NSMCE2: variants seen among roughly 807,000 people sequenced by gnomAD.
NSMCE2 encodes the protein NSE2 SUMO ligase component of SMC5/6 complex, also known as E3 SUMO-protein ligase NSE2.
In NSMCE2, 24 loss-of-function variants were observed where a neutral mutation model predicts 23.8. The ratio of observed to expected loss-of-function variants is 1.01; its 90% CI spans 0.73 to 1.42. NSMCE2 has a LOEUF of 1.42. NSMCE2 is among the 40% of genes most tolerant of loss of function. The pLI is 0.00. For missense variants in NSMCE2, 284 were observed against 296.5 expected (o/e 0.96, Z 0.31); for synonymous variants, 92 against 94.1 (o/e 0.98, Z 0.13).
At position 125,214,636 on chromosome 8, in the gene NSMCE2, T is replaced by A. The variant is rs544745228; in HGVS notation, c.418+32380T>A. On this transcript the variant is annotated intron_variant, in intron 5 of 7. Transcript: ENST00000287437. ...ACAGATAGTGCAGAGAGTTCCCAGA[T>A]ACCACCTTCTCCCCCAATCCCCTAC... Among the ~76,000 whole-genome samples, 26 of 152,306 alleles carry A rather than the reference T, an allele frequency of 1.7e-4. No homozygotes were observed. The South Asian group carries it at 2.3e-3, about 13-fold the overall frequency.
chr8:125,203,224 G>A (rs953667671), intron 5 of NSMCE2, among the ~76,000 whole-genome samples: 3 of 149,718 alleles, frequency 2.0e-5, no homozygotes, highest in Non-Finnish European at 4.4e-5. Flanking sequence ...ATAACTTATC[G>A]TAAATGTTGT....
intron 5 of NSMCE2, among the ~76,000 whole-genome samples, chr8:125,242,220 A>T (rs146110104): frequency 6.6e-6 from 1 of 152,162 alleles, no homozygotes; most frequent in Non-Finnish European, 1.5e-5. Context: ...GAACCTGGCA[A>T]ACCCATGGAG....
At chr8:125,272,186 T>C (rs1827229539) in intron 5 of NSMCE2, among the ~76,000 whole-genome samples, 1 of 151,762 alleles carries the variant, frequency 6.6e-6, no homozygotes, top group Non-Finnish European at 1.5e-5. Context: ...TCGAATTTTT[T>C]TGTATTTTTA....
At chr8:125,264,355 T>C (rs551227464) in intron 5 of NSMCE2, among the ~76,000 whole-genome samples, 53 of 152,304 alleles carry the variant, frequency 3.5e-4, no homozygotes, top group Admixed American at 3.3e-3. Flanking sequence ...TGGAGTCCCA[T>C]TCATGCCTGT....
intron 5 of NSMCE2, among the ~76,000 whole-genome samples, chr8:125,356,984 CTT>C (rs1246114787): frequency 6.6e-6 from 1 of 152,176 alleles, no homozygotes; most frequent in Non-Finnish European, 1.5e-5. Context: ...TTCTCTATAA[CTT>C]TAAAAAAGAT....
At chr8:125,359,177 G>A (rs1274751526) in intron 7 of NSMCE2, among the ~76,000 whole-genome samples, 1 of 149,928 alleles carries the variant, frequency 6.7e-6, no homozygotes, top group Admixed American at 6.7e-5. Context: ...TGAGGCAGGA[G>A]AATGGCATGA....
chr8:125,167,677 G>A (rs149827041), intron 4 of NSMCE2, among the ~76,000 whole-genome samples: 187 of 151,652 alleles, frequency 1.2e-3, no homozygotes, highest in African/African-American at 4.3e-3. Context: ...AGAGGCTATG[G>A]AAGAAATTAT....
At chr8:125,102,950 GT>G (rs1818269459) in intron 3 of NSMCE2, among the ~76,000 whole-genome samples, 1 of 152,106 alleles carries the variant, frequency 6.6e-6, no homozygotes, top group Admixed American at 6.5e-5. Flanking sequence ...ACCTACATTT[GT>G]TCAATCAAGA....
At chr8:125,257,708 G>A (rs1287617610) in intron 5 of NSMCE2, among the ~76,000 whole-genome samples, 1 of 151,734 alleles carries the variant, frequency 6.6e-6, no homozygotes, top group Non-Finnish European at 1.5e-5. Flanking sequence ...GAATTTTTTT[G>A]TATTTTTAGT....
intron 5 of NSMCE2, among the ~76,000 whole-genome samples, chr8:125,211,987 A>G (rs1338408094): frequency 1.3e-5 from 2 of 152,164 alleles, no homozygotes; most frequent in Non-Finnish European, 2.9e-5. Context: ...ATCCTCATTT[A>G]CTTACATGTC....
chr8:125,362,531 C>G (rs1813605170), intron 7 of NSMCE2, among the ~76,000 whole-genome samples: 2 of 152,226 alleles, frequency 1.3e-5, no homozygotes, highest in African/African-American at 4.8e-5. Flanking sequence ...CTGAAGTGAA[C>G]TCCCCAGTCC....
At chr8:125,170,104 C>T (rs974628963) in intron 4 of NSMCE2, among the ~76,000 whole-genome samples, 2 of 152,068 alleles carry the variant, frequency 1.3e-5, no homozygotes, top group Non-Finnish European at 2.9e-5. Flanking sequence ...GTAGCTGTAA[C>T]CTAGTCCTCT....
intron 5 of NSMCE2, among the ~76,000 whole-genome samples, chr8:125,257,290 GAAA>G (rs112767956): frequency 9.1e-6 from 1 of 109,330 alleles, no homozygotes; most frequent in Non-Finnish European, 2.0e-5. Flanking sequence ...TCTCAAAAAA[GAAA>G]AAAAAAAAAA....
chr8:125,164,818 C>T (rs1356397600), intron 4 of NSMCE2, among the ~76,000 whole-genome samples: 1 of 152,080 alleles, frequency 6.6e-6, no homozygotes, highest in East Asian at 1.9e-4. Flanking sequence ...ATATTCAGTT[C>T]TTACCATAAT....
At chr8:125,162,628 T>C (rs1225560122) in intron 4 of NSMCE2, among the ~76,000 whole-genome samples, 1 of 152,134 alleles carries the variant, frequency 6.6e-6, no homozygotes, top group East Asian at 1.9e-4. Flanking sequence ...AAAAATGAGA[T>C]AACATTATGT....
chr8:125,173,761 TA>T (rs1420685075), intron 4 of NSMCE2, among the ~76,000 whole-genome samples: 2 of 152,166 alleles, frequency 1.3e-5, no homozygotes, highest in African/African-American at 4.8e-5. Context: ...TATGTTTTCA[TA>T]AAATTAAATC....
chr8:125,187,138 G>A (rs1477695614), intron 5 of NSMCE2, among the ~76,000 whole-genome samples: 1 of 152,148 alleles, frequency 6.6e-6, no homozygotes, highest in East Asian at 1.9e-4. Flanking sequence ...GAAAGAATGT[G>A]GCTTAGCAGA....
At chr8:125,243,919 A>G (rs1266056120) in intron 5 of NSMCE2, among the ~76,000 whole-genome samples, 2 of 152,210 alleles carry the variant, frequency 1.3e-5, no homozygotes, top group Admixed American at 6.5e-5. Flanking sequence ...GACTCACAAC[A>G]TATCCCACTT....
chr8:125,226,364 T>A (rs1825091776), intron 5 of NSMCE2, among the ~76,000 whole-genome samples: 1 of 152,214 alleles, frequency 6.6e-6, no homozygotes, highest in Non-Finnish European at 1.5e-5. Context: ...TCATGGGACA[T>A]TCGCGTGGGT....
Sources: allele counts gnomAD v4.1 joint callset (sites outside exome capture counted in the v4.1 genomes callset), GRCh38; gene constraint gnomAD v4.1.1; transcripts MANE v1.5; gene names NCBI Gene and HGNC (gene_info 2026-07-23, HGNC 2026-07-21).